NHLRC3: variants seen among roughly 807,000 people sequenced by gnomAD.
NHLRC3 encodes the protein NHL repeat containing 3.
NHLRC3 carries 23 observed loss-of-function variants against 32.0 expected under a neutral mutation model. The ratio of observed to expected loss-of-function variants is 0.72; its 90% CI spans 0.52 to 1.02. NHLRC3 has a LOEUF of 1.02. Ranked by LOEUF, NHLRC3 falls within the 50% of genes least tolerant of loss-of-function variation. The probability of loss-of-function intolerance (pLI) is 0.00; values close to 1 mark genes in which losing one functional copy is unlikely to be tolerated. For synonymous variants in NHLRC3, 159 were observed against 147.9 expected, an observed-to-expected ratio of 1.08 and a Z score of -0.55; for missense variants, 407 against 406.8, an observed-to-expected ratio of 1.00 and a Z score of -0.01.
rs565213640 is a variant in NHLRC3 at position 39,047,567 on chromosome 13, A to G, written c.792-107A>G. On this transcript the variant is annotated intron_variant, in intron 6 of 6. Transcript: ENST00000379600. ...TTCTTCTTAAAAGAATCATTCAGCA[A>G]GTAGGTGCCTACTGTTGTTTGGCAC... is the stretch of plus-strand genomic sequence containing the variant. 27 of 751,596 alleles carry G rather than the reference A, an allele frequency of 3.6e-5. 1 individual carries two copies. In the South Asian group the frequency reaches 5.4e-4, roughly 15 times the overall value. 46.6% of individuals were successfully genotyped at this position (751,596 alleles called of 1,614,324 possible).
chr13:39,043,973 A>C lies in NHLRC3; in HGVS notation c.587-117A>C, dbSNP rs1593552474. On this transcript the variant is annotated intron_variant, in intron 4 of 6. Coordinates refer to ENST00000379600, the MANE Select transcript of NHLRC3 (RefSeq NM_001012754.4). ...ATATAGACAGGAAAGCCGAGAAAGC[A>C]TAGTCAAGTGAACCAGCGGTGTAAT... 8 of 755,146 alleles carry C rather than the reference A, an allele frequency of 1.1e-5. No individual in the cohort carries two copies. The East Asian group carries it at 2.0e-4, about 19-fold the overall frequency. The allele number at this position is 755,146 out of a possible 1,614,324, so 46.8% of individuals were successfully genotyped here.
Position 39,038,505 on chromosome 13 carries a change from G to T in NHLRC3, c.-135G>T. 1.4e-6 allele frequency: 1 copy of T among 728,234 alleles called. No individual in the cohort carries two copies. The highest frequency in any genetic ancestry group is 2.1e-5 in the Admixed American group (1 of 47,182). The allele number at this position is 728,234 out of a possible 1,614,324, so 45.1% of individuals were successfully genotyped here. A position where few individuals can be genotyped will look rare whatever the true frequency, so the allele number is the denominator to read the frequency against. ...TCGTACTCAAAGCTCGTGCATCCAG[G>T]GAGGGGAAACCGGAGATAGGGTCTT... On this transcript the variant is annotated 5_prime_UTR_variant, in exon 1 of 7. Transcript: ENST00000379600.
Position 39,039,156 on chromosome 13 carries a change from T to G in NHLRC3, c.105T>G (p.Phe35Leu). 1 of 1,613,914 alleles carries G rather than the reference T, an allele frequency of 6.2e-7. No homozygotes were observed. Among genetic ancestry groups the G allele is most frequent in the Non-Finnish European group, 8.5e-7 (1 of 1,179,910 alleles). Residue 35 changes from phenylalanine (F) to leucine (L), a missense_variant, in exon 2 of 7, where the codon TTT becomes TTG. Coordinates refer to ENST00000379600, the MANE Select transcript of NHLRC3 (RefSeq NM_001012754.4). ...CGSPVLRNFT[F>L]AVSWRTEKIL... ...TTAAGGTTTTGAGGAACTTTACTTT[T>G]GCAGTTTCCTGGAGAACTGAGAAAA...
At chr13:39,046,272 CT>C (rs1446611286) in intron 5 of NHLRC3, among the ~76,000 whole-genome samples, 1 of 152,030 alleles carries the variant, frequency 6.6e-6, no homozygotes, top group Non-Finnish European at 1.5e-5. Context: ...TGAGCCGAGA[CT>C]GCGCCACTGC....
At chr13:39,044,849 C>T (rs549916947) in intron 5 of NHLRC3, among the ~76,000 whole-genome samples, 1 of 152,308 alleles carries the variant, frequency 6.6e-6, no homozygotes, top group South Asian at 2.1e-4. Flanking sequence ...TTAGTTTCTC[C>T]TGCTCTTTTC....
chr13:39,039,078 C>CGGTTTTT, intron 1 of NHLRC3, 58 bp from the exon 2 acceptor site: 1 of 1,038,074 alleles, frequency 9.6e-7, no homozygotes, highest in Non-Finnish European at 1.4e-6. Flanking sequence ...CCCCCCCGCC[C>CGGTTTTT]TTTTTTTGTT....
chr13:39,045,483 A>G (rs1395632370), intron 5 of NHLRC3, among the ~76,000 whole-genome samples: 1 of 152,196 alleles, frequency 6.6e-6, no homozygotes, highest in Admixed American at 6.5e-5. Flanking sequence ...AACAATAGCA[A>G]TTCTGTTCTG....
At chr13:39,039,311 A>G (rs374129155) in intron 2 of NHLRC3, 23 bp downstream of exon 2, 2 of 1,589,412 alleles carry the variant, frequency 1.3e-6, no homozygotes, top group Non-Finnish European at 8.6e-7. Context: ...AGATTTAAAA[A>G]AATTATGAAC....
At position 39,039,158 on chromosome 13, in the gene NHLRC3, C is replaced by T. The variant is rs747014793; in HGVS notation, c.107C>T (p.Ala36Val). 4 of 1,556,756 alleles carry T rather than the reference C, an allele frequency of 2.6e-6. No homozygotes were observed. The South Asian group carries it at 4.4e-5, about 17-fold the overall frequency. Reference protein sequence around the residue: ...GSPVLRNFTFAVSWRTEKILY... With the variant: ...GSPVLRNFTFVVSWRTEKILY... ...AAGGTTTTGAGGAACTTTACTTTTG[C>T]AGTTTCCTGGAGAACTGAGAAAATT... The change falls in exon 2 of 7, where the codon GCA becomes GTA. Residue 36 changes from alanine to valine, a missense_variant. Physicochemically the swap from Ala to Val is moderately conservative, Grantham distance 64 (BLOSUM62 0). Transcript: ENST00000379600.
At chr13:39,044,032 T>C (rs753013184) in intron 4 of NHLRC3, 58 bp from the exon 5 acceptor site, 6 of 1,179,450 alleles carry the variant, frequency 5.1e-6, no homozygotes, top group South Asian at 2.5e-5. Context: ...TCATAAAATA[T>C]GCAAATGCAT....
rs1349183393 is a variant in NHLRC3 at position 39,048,851 on chromosome 13, TTTTC to T, written c.*933_*936del. On this transcript the variant is annotated 3_prime_UTR_variant, in exon 7 of 7. Coordinates refer to ENST00000379600, the MANE Select transcript of NHLRC3 (RefSeq NM_001012754.4). ...AGAGCTTCCTTCTCTTTTTTTTTCT[TTTTC>T]TTTCTTTTGTTTTACATGAACTCAA... is the stretch of plus-strand genomic sequence containing the variant. 1 of 152,584 alleles carries T rather than the reference TTTTC, an allele frequency of 6.6e-6. No individual in the cohort carries two copies. Among genetic ancestry groups the T allele is most frequent in the African/African-American group, 2.4e-5 (1 of 41,452 alleles). 9.5% of individuals were successfully genotyped at this position (152,584 alleles called of 1,614,324 possible).
rs531430744 is a variant in NHLRC3 at position 39,049,523 on chromosome 13, G to A, written c.*1597G>A. ...AATCTATACCTCTGGATACATTAGA[G>A]GCATTTTATTAACAAAGGCCCTTCT... is the stretch of plus-strand genomic sequence containing the variant. On this transcript the variant is annotated 3_prime_UTR_variant, in exon 7 of 7. Transcript: ENST00000379600. The A allele has an allele frequency of 6.6e-6, 1 of 152,294 alleles. No individual in the cohort carries two copies. Among genetic ancestry groups the A allele is most frequent in the South Asian group, 2.1e-4 (1 of 4,824 alleles). 9.4% of individuals were successfully genotyped at this position (152,294 alleles called of 1,614,324 possible).
Position 39,049,194 on chromosome 13 carries a change from G to T in NHLRC3, c.*1268G>T, listed in dbSNP as rs1395583565. The T allele has an allele frequency of 6.6e-6, 1 of 152,508 alleles. No homozygotes were observed. The highest frequency in any genetic ancestry group is 1.5e-5 in the Non-Finnish European group (1 of 68,038). 9.4% of individuals were successfully genotyped at this position (152,508 alleles called of 1,614,324 possible). A position where few individuals can be genotyped will look rare whatever the true frequency, so the allele number is the denominator to read the frequency against. The stretch of plus-strand genomic sequence containing the variant: ...TTTTACTGTAAATTGTGTAGCATAT[G>T]ACAAATCTTGAGCTGACTTTCCTCT... On this transcript the variant is annotated 3_prime_UTR_variant, in exon 7 of 7. Transcript: ENST00000379600.
chr13:39,042,087 A>G lies in NHLRC3; in HGVS notation c.386-18A>G. The G allele has an allele frequency of 7.1e-7, 1 of 1,407,124 alleles. No homozygotes were observed. Among genetic ancestry groups the G allele is most frequent in the Non-Finnish European group, 1.0e-6 (1 of 992,452 alleles). 87.2% of individuals were successfully genotyped at this position (1,407,124 alleles called of 1,614,324 possible). ...TATAGTGGTTTTATTTGTGAGATGT[A>G]CATATCTATCTTTATAGGATTCTTT... is the stretch of plus-strand genomic sequence containing the variant. On this transcript the variant is annotated intron_variant, in intron 3 of 6. Coordinates refer to ENST00000379600, the MANE Select transcript of NHLRC3 (RefSeq NM_001012754.4).
intron 3 of NHLRC3, chr13:39,041,122 G>A (rs1246992713): frequency 6.6e-6 from 1 of 151,994 alleles, no homozygotes; most frequent in Non-Finnish European, 1.5e-5. Context: ...TCTACCCAGA[G>A]ATCTGAAGAC....
chr13:39,046,266 C>T (rs1211350939), intron 5 of NHLRC3, among the ~76,000 whole-genome samples: 1 of 152,086 alleles, frequency 6.6e-6, no homozygotes, highest in African/African-American at 2.4e-5. Context: ...TTGCAGTGAG[C>T]CGAGACTGCG....
intron 5 of NHLRC3, among the ~76,000 whole-genome samples, chr13:39,044,776 C>T (rs922804534): frequency 1.3e-5 from 2 of 152,198 alleles, no homozygotes; most frequent in African/African-American, 4.8e-5. Context: ...AATTTCTAAG[C>T]ATAGATCTCA....
chr13:39,046,753 A>G (rs1871693386), intron 5 of NHLRC3, among the ~76,000 whole-genome samples: 1 of 152,220 alleles, frequency 6.6e-6, no homozygotes, highest in Admixed American at 6.5e-5. Context: ...ATTATGGTAG[A>G]GTACTCCAGC....
intron 2 of NHLRC3, 83 bp downstream of exon 2, chr13:39,039,371 C>G: frequency 8.4e-7 from 1 of 1,191,930 alleles, no homozygotes; most frequent in Non-Finnish European, 1.2e-6. Context: ...TGACCATATG[C>G]GTTTATATCA....
Sources: allele counts gnomAD v4.1 joint callset (sites outside exome capture counted in the v4.1 genomes callset), GRCh38; gene constraint gnomAD v4.1.1; transcripts MANE v1.5; gene names NCBI Gene and HGNC (gene_info 2026-07-23, HGNC 2026-07-21).